The following CADPS variants were observed in gnomAD, a reference collection of about 807,000 sequenced individuals.
The protein encoded by CADPS is calcium-dependent secretion activator 1.
Under a neutral mutation model 167.3 loss-of-function variants are expected in CADPS, and 57 were observed. That is an observed-to-expected ratio of 0.34 (90% CI 0.28 to 0.42). The LOEUF is 0.42. CADPS is among the 20% of genes least tolerant of loss of function. The probability of loss-of-function intolerance (pLI) is 1.00; values close to 1 mark genes in which losing one functional copy is unlikely to be tolerated. For synonymous variants in CADPS, 676 were observed against 635.3 expected (o/e 1.06, Z -0.96); for missense variants, 1,414 against 1,738.1 (o/e 0.81, Z 3.32).
intron 24 of CADPS, among the ~76,000 whole-genome samples, chr3:62,468,758 A>T (rs1199219664): frequency 6.6e-6 from 1 of 152,194 alleles, no homozygotes; most frequent in Non-Finnish European, 1.5e-5. Flanking sequence ...CTCTTCTGTT[A>T]TAATGAACGT....
intron 3 of CADPS, among the ~76,000 whole-genome samples, chr3:62,685,564 G>GA (rs1258761791): frequency 1.3e-5 from 2 of 150,776 alleles, no homozygotes; most frequent in African/African-American, 4.9e-5. Context: ...GTGGAGTCAA[G>GA]AAAAAAAGGA....
At chr3:62,488,253 A>G (rs1260346253) in intron 21 of CADPS, among the ~76,000 whole-genome samples, 1 of 152,204 alleles carries the variant, frequency 6.6e-6, no homozygotes, top group Non-Finnish European at 1.5e-5. Context: ...TCAACCCACC[A>G]ATAAGTAGTC....
At chr3:62,637,958 T>G (rs1030458578) in intron 6 of CADPS, among the ~76,000 whole-genome samples, 18 of 152,096 alleles carry the variant, frequency 1.2e-4, no homozygotes, top group African/African-American at 4.3e-4. Flanking sequence ...TAATGATCAC[T>G]GTTTTAGACT....
intron 1 of CADPS, among the ~76,000 whole-genome samples, chr3:62,850,813 A>G (rs1400400036): frequency 1.3e-5 from 2 of 151,050 alleles, no homozygotes; most frequent in African/African-American, 4.9e-5. Flanking sequence ...AGCTGAGTTC[A>G]ATTCCTGGGT....
At chr3:62,513,710 TA>T in intron 16 of CADPS, 1 of 1,574,550 alleles carries the variant, frequency 6.4e-7, no homozygotes, top group South Asian at 1.2e-5. Context: ...TTTTTCCCTA[TA>T]AAAGAGGATT....
intron 13 of CADPS, among the ~76,000 whole-genome samples, chr3:62,521,900 C>G (rs886591457): frequency 1.3e-5 from 2 of 152,138 alleles, no homozygotes; most frequent in African/African-American, 4.8e-5. Context: ...CATATCTAAG[C>G]TGGACTATGA....
chr3:62,867,690 C>G (rs1010201938), intron 1 of CADPS, among the ~76,000 whole-genome samples: 6 of 151,984 alleles, frequency 3.9e-5, no homozygotes, highest in Admixed American at 2.0e-4. Context: ...ATGGCTAGTA[C>G]TTCATATATA....
In CADPS at chr3:62,420,041, T is replaced by C. The variant is rs2050968383; in HGVS notation, c.3778-16856A>G. On this transcript the variant is annotated intron_variant, in intron 28 of 29. Transcript: ENST00000383710. The surrounding 1 kb of genome is among the most constrained non-coding windows in gnomAD (Gnocchi z 4.1). ...CCCGGGCTGAGGTGGTTTTCATCATTACTCTCAACATACAAAAGCATGGTC... is the reference window on the plus strand; with the variant it reads ...CCCGGGCTGAGGTGGTTTTCATCATCACTCTCAACATACAAAAGCATGGTC... Among the ~76,000 whole-genome samples the C allele has an allele frequency of 6.6e-6, 1 of 152,128 alleles. No individual in the cohort carries two copies. Among genetic ancestry groups the C allele is most frequent in the African/African-American group, 2.4e-5 (1 of 41,424 alleles).
intron 12 of CADPS, 91 bp downstream of exon 12, chr3:62,536,354 G>T (rs1188293257): frequency 2.6e-6 from 3 of 1,134,538 alleles, no homozygotes; most frequent in Admixed American, 4.5e-5. Context: ...TTCTGTAATG[G>T]AGAAAAGAGC....
At chr3:62,512,860 C>T (rs1309187781) in intron 16 of CADPS, 92 bp from the exon 17 acceptor site, 5 of 1,069,820 alleles carry the variant, frequency 4.7e-6, no homozygotes, top group Non-Finnish European at 6.9e-6. Flanking sequence ...AAATGCCCCC[C>T]ACTTATGTGT....
At chr3:62,525,961 G>A (rs1355974470) in intron 13 of CADPS, among the ~76,000 whole-genome samples, 2 of 152,076 alleles carry the variant, frequency 1.3e-5, no homozygotes. Flanking sequence ...ATTGAAGAGA[G>A]GGAGAAATGG....
intron 2 of CADPS, among the ~76,000 whole-genome samples, chr3:62,764,284 T>C (rs2086292910): frequency 6.6e-6 from 1 of 152,188 alleles, no homozygotes; most frequent in Non-Finnish European, 1.5e-5. Context: ...CACTATCATA[T>C]ATCACTGTGA....
At chr3:62,504,113 T>C (rs2066216913) in intron 17 of CADPS, among the ~76,000 whole-genome samples, 1 of 151,860 alleles carries the variant, frequency 6.6e-6, no homozygotes, top group Admixed American at 6.6e-5. Context: ...ATTAAAAGCA[T>C]GAGATCCTCT....
At chr3:62,533,238 C>A (rs1441068508) in intron 12 of CADPS, among the ~76,000 whole-genome samples, 180 bp from the exon 13 acceptor site, 1 of 152,024 alleles carries the variant, frequency 6.6e-6, no homozygotes, top group South Asian at 2.1e-4. Flanking sequence ...CACAGTGGAA[C>A]CTATGAGGTA....
intron 26 of CADPS, among the ~76,000 whole-genome samples, chr3:62,461,692 A>C (rs2150305568): frequency 6.6e-6 from 1 of 152,314 alleles, no homozygotes; most frequent in African/African-American, 2.4e-5. Flanking sequence ...TGAGAGCTTA[A>C]GTCGCTCATG....
chr3:62,624,684 TCTC>T (rs1314666754), intron 6 of CADPS, among the ~76,000 whole-genome samples: 4 of 152,186 alleles, frequency 2.6e-5, no homozygotes, highest in African/African-American at 9.6e-5. Context: ...TCAAGTTTCT[TCTC>T]CTTCCATAGG....
intron 27 of CADPS, chr3:62,439,128 C>G (rs915460102): frequency 6.6e-6 from 1 of 152,072 alleles, no homozygotes; most frequent in Non-Finnish European, 1.5e-5. Context: ...CCTCAAATTT[C>G]CACAGTAGAT....
At chr3:62,825,149 C>G (rs1256258935) in intron 1 of CADPS, among the ~76,000 whole-genome samples, 1 of 152,098 alleles carries the variant, frequency 6.6e-6, no homozygotes, top group African/African-American at 2.4e-5. Context: ...TTCTGTCAAC[C>G]AGGAAGTTCC....
chr3:62,870,005 G>A lies in CADPS; in HGVS notation c.441+4584C>T, dbSNP rs550522969. On this transcript the variant is annotated intron_variant, in intron 1 of 29. Coordinates refer to ENST00000383710, the MANE Select transcript of CADPS (RefSeq NM_003716.4). ...AACATTTAATTTCCTTTGTTCTTCGGTCCAGTTTTAGGGAATCATAAGCCT... is the reference window on the plus strand; with the variant it reads ...AACATTTAATTTCCTTTGTTCTTCGATCCAGTTTTAGGGAATCATAAGCCT... Among the ~76,000 whole-genome samples, 46 of 152,150 alleles carry A rather than the reference G, an allele frequency of 3.0e-4. No homozygotes were observed. In the South Asian group the frequency reaches 5.4e-3, roughly 18 times the overall value.
Sources: gnomAD v4.1 joint callset for allele counts (sites outside exome capture counted in the v4.1 genomes callset) on GRCh38, gnomAD v4.1.1 for gene constraint, Gnocchi (gnomAD v3.1) non-coding constraint, MANE v1.5 for transcripts, NCBI Gene and HGNC (gene_info 2026-07-23, HGNC 2026-07-21) for gene names.